NOL11: variants seen among roughly 807,000 people sequenced by gnomAD.
NOL11 encodes the protein nucleolar protein 11.
NOL11 carries 42 observed loss-of-function variants against 93.0 expected under a neutral mutation model. The ratio of observed to expected loss-of-function variants is 0.45; its 90% CI spans 0.35 to 0.58. The LOEUF (loss-of-function observed/expected upper bound fraction) is 0.58. Among genes scored for constraint, NOL11 ranks in the 20% least tolerant of loss-of-function variants. The pLI is 0.00. For missense variants in NOL11, 775 were observed against 841.8 expected (o/e 0.92, Z 0.98); for synonymous variants, 296 against 293.7 (o/e 1.01, Z -0.08).
chr17:67,724,331 A>G (rs1039335645), intron 6 of NOL11, 138 bp downstream of exon 6: 4 of 384,646 alleles, frequency 1.0e-5, no homozygotes, highest in South Asian at 5.8e-5. Context: ...TCATGCCTTC[A>G]CTTTTTTTTT....
In NOL11 at chr17:67,722,569, T is replaced by A; in HGVS notation, c.462-11T>A. 2 of 1,565,818 alleles carry A rather than the reference T, an allele frequency of 1.3e-6. No homozygotes were observed. The highest frequency in any genetic ancestry group is 1.7e-6 in the Non-Finnish European group (2 of 1,165,504). ...TGCATCCTATAATTTTTCTTTTTTC[T>A]TTTTTTGTAGATGGACAAAGTTTTT... On this transcript the variant is annotated splice_polypyrimidine_tract_variant and intron_variant, in intron 4 of 17. Transcript: ENST00000253247.
intron 6 of NOL11, among the ~76,000 whole-genome samples, chr17:67,725,051 C>T (rs1019841873): frequency 5.9e-5 from 9 of 152,016 alleles, no homozygotes; most frequent in Admixed American, 1.3e-4. Flanking sequence ...GAGCGAGACT[C>T]GAGACTCGTC....
intron 3 of NOL11, among the ~76,000 whole-genome samples, chr17:67,720,713 T>G (rs561566274): frequency 4.6e-5 from 7 of 152,254 alleles, no homozygotes; most frequent in Admixed American, 1.3e-4. Flanking sequence ...TTTTTCTTAC[T>G]TATAAAATGA....
intron 14 of NOL11, chr17:67,738,653 G>T: frequency 2.2e-6 from 1 of 451,056 alleles, no homozygotes; most frequent in Non-Finnish European, 3.9e-6. Context: ...GCAACATGGC[G>T]AGACCCCCAT....
intron 1 of NOL11, 185 bp from the exon 2 acceptor site, chr17:67,719,489 G>T (rs1175138164): frequency 9.6e-6 from 4 of 415,762 alleles, no homozygotes; most frequent in Non-Finnish European, 1.8e-5. Context: ...TCGAACTCCT[G>T]ACCTCGTGAT....
intron 10 of NOL11, 140 bp from the exon 11 acceptor site, chr17:67,736,931 T>C: frequency 1.4e-6 from 1 of 730,828 alleles, no homozygotes; most frequent in Non-Finnish European, 2.3e-6. Flanking sequence ...CCCCATGTTG[T>C]CTATTAGTTA....
At position 67,721,518 on chromosome 17, in the gene NOL11, A is replaced by C; in HGVS notation, c.453A>C (p.Glu151Asp). ...TTGAAACTGTTATCTCTGATGAAGA[A>C]GTGATTAAGTAAGTTCCAGTACTTG... ...QKIETVISDE[E>D]VIKWTKFFVV... The change falls in exon 4 of 18, where the codon GAA becomes GAC. Residue 151 changes from glutamate to aspartate, a missense_variant. Transcript: ENST00000253247. 6.2e-7 allele frequency: 1 copy of C among 1,611,924 alleles called. No homozygotes were observed. The highest frequency in any genetic ancestry group is 8.5e-7 in the Non-Finnish European group (1 of 1,179,248).
Position 67,738,339 on chromosome 17 carries a change from A to G in NOL11, c.1747A>G (p.Lys583Glu). The stretch of plus-strand genomic sequence containing the variant: ...GAGCACTTCATGCCCTGTGGTACAA[A>G]AAAGAGCAGCTCTACTGTATCCTTT... Reference protein sequence around the residue: ...KESTSCPVVQKRAALLNAILH... With the variant: ...KESTSCPVVQERAALLNAILH... The change falls in exon 14 of 18, where the codon AAA becomes GAA. Residue 583 changes from lysine (K) to glutamate (E), a missense_variant. Lys to Glu is a moderately conservative substitution (Grantham distance 56, BLOSUM62 1). This residue lies in a region of NOL11 where 416 missense variants were observed against 525.2 expected (regional missense o/e 0.79). Transcript: ENST00000253247. The G allele has an allele frequency of 6.2e-7, 1 of 1,611,874 alleles. No individual in the cohort carries two copies. The highest frequency in any genetic ancestry group is 8.5e-7 in the Non-Finnish European group (1 of 1,178,718).
At chr17:67,718,109 A>G in intron 1 of NOL11, 21 bp downstream of exon 1, 1 of 1,606,760 alleles carries the variant, frequency 6.2e-7, no homozygotes, top group Non-Finnish European at 8.5e-7. Context: ...TAGGTTTGGG[A>G]GCGCCCCGAC....
At chr17:67,734,461 C>CT in intron 8 of NOL11, 22 bp downstream of exon 8, 1 of 1,424,758 alleles carries the variant, frequency 7.0e-7, no homozygotes. Context: ...CACTTGAGTA[C>CT]TTTCTCTGAT....
chr17:67,738,964 C>T lies in NOL11; in HGVS notation c.1796C>T (p.Thr599Ile), dbSNP rs2055229476. The T allele has an allele frequency of 6.2e-7, 1 of 1,612,772 alleles. No individual in the cohort carries two copies. Among genetic ancestry groups the T allele is most frequent in the Non-Finnish European group, 8.5e-7 (1 of 1,178,982 alleles). ...ATTCTTCATTCAGCATATAGCGAGA[C>T]ATTTCTTCTGCCTCATTTGAAAGAC... is the stretch of plus-strand genomic sequence containing the variant. ...NAILHSAYSE[T>I]FLLPHLKDIP... is the part of the protein sequence containing the mutation. The change falls in exon 15 of 18, where the codon ACA (threonine) becomes ATA (isoleucine). Residue 599 changes from threonine to isoleucine, a missense_variant. This residue lies in a region of NOL11 where 416 missense variants were observed against 525.2 expected (regional missense o/e 0.79). Coordinates refer to ENST00000253247, the MANE Select transcript of NOL11 (RefSeq NM_015462.5).
Position 67,743,594 on chromosome 17 carries a change from A to G in NOL11, c.2043+8A>G. The G allele has an allele frequency of 6.8e-7, 1 of 1,476,570 alleles. No homozygotes were observed. Among genetic ancestry groups the G allele is most frequent in the African/African-American group, 1.4e-5 (1 of 71,966 alleles). The allele number at this position is 1,476,570 out of a possible 1,614,324, so 91.5% of individuals were successfully genotyped here. ...AAGCTTGTAAAATCTCAGGTTTGTG[A>G]TTATTTGATATATACTGATTTTATT... On this transcript the variant is annotated splice_region_variant and intron_variant, in intron 17 of 17. Transcript: ENST00000253247.
At chr17:67,739,735 TAA>T in intron 16 of NOL11, 127 bp downstream of exon 16, 1 of 625,268 alleles carries the variant, frequency 1.6e-6, no homozygotes, top group Admixed American at 3.6e-5. Context: ...CCCTTCCTCA[TAA>T]AACCAAACCA....
chr17:67,733,145 C>T (rs2055170062), intron 7 of NOL11, among the ~76,000 whole-genome samples: 1 of 151,692 alleles, frequency 6.6e-6, no homozygotes, highest in South Asian at 2.1e-4. Flanking sequence ...GAGTGGATCA[C>T]CTGAGGTCAG....
chr17:67,733,129 C>T (rs138744975), intron 7 of NOL11, among the ~76,000 whole-genome samples: 3,783 of 150,938 alleles, frequency 0.025, 149 homozygotes, highest in African/African-American at 0.087. Context: ...TTTGGGAGGC[C>T]GAGGTGAGTG....
chr17:67,719,825 A>G, intron 2 of NOL11, 38 bp downstream of exon 2: 1 of 1,468,488 alleles, frequency 6.8e-7, no homozygotes, highest in South Asian at 1.2e-5. Flanking sequence ...ATACAATATA[A>G]ATGTTGATTA....
chr17:67,737,145 G>T lies in NOL11; in HGVS notation c.1218G>T (p.Met406Ile). The T allele has an allele frequency of 1.3e-6, 2 of 1,574,096 alleles. No individual in the cohort carries two copies. The highest frequency in any genetic ancestry group is 1.1e-5 in the South Asian group (1 of 89,930). ...CCAAACAACTTTTGTCAACCATAAT[G>T]GTAAATAAATAATATTGAAATATGA... ...PPSKQLLSTI[M>I]KDSEKHIEVE... is the part of the protein sequence containing the mutation. Residue 406 changes from methionine to isoleucine, a missense_variant and splice_region_variant, in exon 11 of 18, where the codon ATG becomes ATT. By Grantham distance (10) the Met-to-Ile change is conservative. Around this residue, in one of 2 missense-constraint regions of NOL11, gnomAD observed 416 missense variants for 525.2 expected, o/e 0.79. Coordinates refer to ENST00000253247, the MANE Select transcript of NOL11 (RefSeq NM_015462.5).
chr17:67,738,754 C>A (rs1351663992), intron 14 of NOL11, 178 bp from the exon 15 acceptor site: 2 of 550,762 alleles, frequency 3.6e-6, no homozygotes, highest in Admixed American at 3.5e-5. Flanking sequence ...TGAATAAATA[C>A]CAATTAAAGT....
intron 1 of NOL11, among the ~76,000 whole-genome samples, chr17:67,718,812 T>G (rs2043195078): frequency 1.3e-5 from 2 of 152,228 alleles, no homozygotes; most frequent in South Asian, 4.1e-4. Flanking sequence ...TGAGAACAGG[T>G]TGCTAACAGC....
Sources: allele counts gnomAD v4.1 joint callset (sites outside exome capture counted in the v4.1 genomes callset), GRCh38; gene constraint gnomAD v4.1.1; regional missense constraint gnomAD v4.1.1; transcripts MANE v1.5; gene names NCBI Gene and HGNC (gene_info 2026-07-23, HGNC 2026-07-21).